KCNJ1: variants seen among roughly 807,000 people sequenced by gnomAD.
KCNJ1 encodes the protein ATP-sensitive inward rectifier potassium channel 1.
A neutral mutation model predicts 21.9 loss-of-function variants in KCNJ1; 24 were observed. The ratio of observed to expected loss-of-function variants is 1.10; its 90% CI spans 0.79 to 1.54. The LOEUF (loss-of-function observed/expected upper bound fraction) is 1.54, where lower values mean the gene tolerates loss of function less well. KCNJ1 is among the 40% of genes most tolerant of loss of function. The pLI is 0.00. For missense variants in KCNJ1, 457 were observed against 455.4 expected (o/e 1.00, Z -0.03); for synonymous variants, 152 against 160.9 (o/e 0.94, Z 0.42).
In KCNJ1 at chr11:128,866,871, T is replaced by C. The variant is rs115983420; in HGVS notation, c.-192+302A>G. Among the ~76,000 whole-genome samples the C allele has an allele frequency of 4.7e-3, 713 of 152,142 alleles. 3 individuals carry two copies. The highest frequency in any genetic ancestry group is 0.016 in the African/African-American group (682 of 41,488). ...ACCAGAGATGAAAACCCTACATACA[T>C]CTCTGCCACCAAAAGAAGACTTTGG... is the stretch of plus-strand genomic sequence containing the variant. On this transcript the variant is annotated intron_variant, in intron 1 of 2. Coordinates refer to ENST00000392666, the MANE Select transcript of KCNJ1 (RefSeq NM_153766.3).
chr11:128,860,182 C>T (rs1384150058), intron 1 of KCNJ1, among the ~76,000 whole-genome samples: 2 of 152,218 alleles, frequency 1.3e-5, no homozygotes, highest in Non-Finnish European at 2.9e-5. Context: ...CTTCCCAGGG[C>T]CATCGTTCAG....
intron 1 of KCNJ1, among the ~76,000 whole-genome samples, chr11:128,862,102 C>T (rs1943725682): frequency 6.6e-6 from 1 of 152,180 alleles, no homozygotes; most frequent in Non-Finnish European, 1.5e-5. Context: ...AGTCTCTCCA[C>T]CCCTTTCCCC....
chr11:128,840,055 G>A lies in KCNJ1; in HGVS notation c.189C>T (p.Thr63=). 1 of 1,614,128 alleles carries A rather than the reference G, an allele frequency of 6.2e-7. No homozygotes were observed. Among genetic ancestry groups the A allele is most frequent in the Non-Finnish European group, 8.5e-7 (1 of 1,179,998 alleles). ...TCCCCAAGAAGGCTGTGATGAAAAT[G>A]GTCATTTTGTATCTCCACTTGAGGT... ...VLDLKWRYKM[T]IFITAFLGSW... The change falls in exon 3 of 3, where the codon ACC becomes ACT. Residue 63 remains threonine (T), a synonymous_variant. Coordinates refer to ENST00000392666, the MANE Select transcript of KCNJ1 (RefSeq NM_153766.3).
intron 2 of KCNJ1, chr11:128,842,463 G>A: frequency 1.2e-6 from 2 of 1,613,364 alleles, no homozygotes; most frequent in Non-Finnish European, 1.7e-6. Context: ...GTCTTTCTAT[G>A]CAGACTGATT....
At chr11:128,849,826 T>C (rs1392980393) in intron 2 of KCNJ1, among the ~76,000 whole-genome samples, 1 of 152,190 alleles carries the variant, frequency 6.6e-6, no homozygotes, top group African/African-American at 2.4e-5. Flanking sequence ...TTACTTCTTC[T>C]ATAGGCAGAA....
At position 128,840,034 on chromosome 11, in the gene KCNJ1, C is replaced by T; in HGVS notation, c.210G>A (p.Leu70=). 3.1e-6 allele frequency: 5 copies of T among 1,614,126 alleles called. No homozygotes were observed. Among genetic ancestry groups the T allele is most frequent in the Non-Finnish European group, 4.2e-6 (5 of 1,179,996 alleles). ...YKMTIFITAF[L]GSWFFFGLLW... ...GGAGACCAAAGAAAAACCAACTCCC[C>T]AAGAAGGCTGTGATGAAAATGGTCA... is the stretch of plus-strand genomic sequence containing the variant. The change falls in exon 3 of 3, where the codon TTG becomes TTA. Residue 70 remains leucine, a synonymous_variant. Transcript: ENST00000392666.
chr11:128,860,415 CTG>C (rs1468373618), intron 1 of KCNJ1, among the ~76,000 whole-genome samples: 1 of 152,204 alleles, frequency 6.6e-6, no homozygotes, highest in Non-Finnish European at 1.5e-5. Flanking sequence ...ACAGGTTTCA[CTG>C]TGTGAAATGC....
chr11:128,860,404 C>T (rs1410642286), intron 1 of KCNJ1, among the ~76,000 whole-genome samples: 1 of 152,182 alleles, frequency 6.6e-6, no homozygotes, highest in Non-Finnish European at 1.5e-5. Context: ...CGTGACACTG[C>T]ACAGGTTTCA....
At chr11:128,844,857 A>C (rs1055443416) in intron 2 of KCNJ1, among the ~76,000 whole-genome samples, 6 of 151,960 alleles carry the variant, frequency 3.9e-5, no homozygotes, top group East Asian at 1.9e-4. Flanking sequence ...AAAAAAAAAA[A>C]CACTTATTGC....
chr11:128,865,390 C>A lies in KCNJ1; in HGVS notation c.-192+1783G>T, dbSNP rs192235995. ...CCTCTAGAGCAAAGCATTTCCCAAGCCATTCAGTGGTTTCCCAGGACCTAG... is the reference window on the plus strand; with the variant it reads ...CCTCTAGAGCAAAGCATTTCCCAAGACATTCAGTGGTTTCCCAGGACCTAG... On this transcript the variant is annotated intron_variant, in intron 1 of 2. Coordinates refer to ENST00000392666, the MANE Select transcript of KCNJ1 (RefSeq NM_153766.3). Among the ~76,000 whole-genome samples, 645 of 152,208 alleles carry A rather than the reference C, an allele frequency of 4.2e-3. 10 individuals are homozygous for A. Among genetic ancestry groups the A allele is most frequent in the African/African-American group, 0.015 (628 of 41,512 alleles).
intron 2 of KCNJ1, among the ~76,000 whole-genome samples, chr11:128,850,073 C>G (rs372219930): frequency 1.3e-5 from 2 of 151,826 alleles, no homozygotes; most frequent in African/African-American, 4.8e-5. Flanking sequence ...ATCGGAGGGC[C>G]CCCCCGCCTC....
chr11:128,861,638 C>A (rs578162407), intron 1 of KCNJ1, among the ~76,000 whole-genome samples: 1 of 152,306 alleles, frequency 6.6e-6, no homozygotes, highest in Admixed American at 6.5e-5. Flanking sequence ...GGGCTCGCCT[C>A]CCTGGTGCAA....
At chr11:128,866,314 A>T (rs1313157147) in intron 1 of KCNJ1, among the ~76,000 whole-genome samples, 1 of 152,200 alleles carries the variant, frequency 6.6e-6, no homozygotes, top group Admixed American at 6.5e-5. Context: ...AGCAGATCAA[A>T]AGCATCCAGT....
intron 1 of KCNJ1, among the ~76,000 whole-genome samples, chr11:128,860,791 G>T (rs1943691574): frequency 6.6e-6 from 1 of 151,826 alleles, no homozygotes; most frequent in South Asian, 2.1e-4. Context: ...ACAGAGGAAA[G>T]TGCCCTGAAG....
intron 1 of KCNJ1, among the ~76,000 whole-genome samples, chr11:128,851,923 G>A (rs933892638): frequency 2.6e-5 from 4 of 152,188 alleles, no homozygotes; most frequent in South Asian, 2.1e-4. Context: ...AGAGCACCAC[G>A]TGCTTGGGTT....
intron 1 of KCNJ1, among the ~76,000 whole-genome samples, chr11:128,860,072 G>T (rs1943674542): frequency 6.6e-6 from 1 of 152,218 alleles, no homozygotes; most frequent in African/African-American, 2.4e-5. Flanking sequence ...GGTCGGCATT[G>T]ATTTCAGAAG....
chr11:128,866,486 C>G, intron 1 of KCNJ1: 1 of 880,964 alleles, frequency 1.1e-6, no homozygotes, highest in Non-Finnish European at 1.4e-6. Context: ...TGCACCAAAT[C>G]TGTAAGATAC....
chr11:128,866,155 A>G (rs1943812132), intron 1 of KCNJ1, among the ~76,000 whole-genome samples: 1 of 152,236 alleles, frequency 6.6e-6, no homozygotes, highest in African/African-American at 2.4e-5. Context: ...AGCCAAGCCC[A>G]TGACTGAAGG....
chr11:128,842,786 C>T (rs1034176726), intron 2 of KCNJ1, among the ~76,000 whole-genome samples: 2 of 152,182 alleles, frequency 1.3e-5, no homozygotes, highest in African/African-American at 4.8e-5. Context: ...AAAAGTTGTG[C>T]CTAATAACAA....
Sources: gnomAD v4.1 joint callset for allele counts (sites outside exome capture counted in the v4.1 genomes callset) on GRCh38, gnomAD v4.1.1 for gene constraint, MANE v1.5 for transcripts, NCBI Gene and HGNC (gene_info 2026-07-23, HGNC 2026-07-21) for gene names.